PLAGL2: variants seen among roughly 807,000 people sequenced by gnomAD.
The protein encoded by PLAGL2 is PLAG1 like zinc finger 2, also known as zinc finger protein PLAGL2.
Under a neutral mutation model 29.0 loss-of-function variants are expected in PLAGL2, and 7 were observed. The observed-to-expected ratio is 0.24, with a 90% CI of 0.14 to 0.45. PLAGL2 has a LOEUF of 0.45. Ranked by LOEUF, PLAGL2 falls within the 20% of genes least tolerant of loss-of-function variation. The probability of loss-of-function intolerance (pLI) is 0.99; values close to 1 mark genes in which losing one functional copy is unlikely to be tolerated. For synonymous variants in PLAGL2, 234 were observed against 266.0 expected (o/e 0.88, Z 1.17); for missense variants, 454 against 648.2 (o/e 0.70, Z 3.25).
intron 1 of PLAGL2, among the ~76,000 whole-genome samples, chr20:32,206,522 A>C (rs1264672414): frequency 6.6e-6 from 1 of 152,182 alleles, no homozygotes; most frequent in Non-Finnish European, 1.5e-5. Flanking sequence ...CATGGGGAGA[A>C]AACGTGATTC....
chr20:32,206,081 A>C (rs545631813), intron 1 of PLAGL2, among the ~76,000 whole-genome samples: 2 of 152,214 alleles, frequency 1.3e-5, no homozygotes, highest in Non-Finnish European at 2.9e-5. Context: ...TCTTCCCTTA[A>C]GCAGAACCCA....
chr20:32,205,928 A>G (rs1038656691), intron 1 of PLAGL2, among the ~76,000 whole-genome samples: 6 of 152,154 alleles, frequency 3.9e-5, no homozygotes, highest in African/African-American at 1.4e-4. Flanking sequence ...AACTAAAGAG[A>G]CCCACAGAGG....
At chr20:32,201,815 C>T in intron 2 of PLAGL2, 104 bp downstream of exon 2, 1 of 920,976 alleles carries the variant, frequency 1.1e-6, no homozygotes, top group South Asian at 1.7e-5. Flanking sequence ...ACAAATTAAC[C>T]TCCACTCTTC....
In PLAGL2 at chr20:32,197,940, G is replaced by A. The variant is rs983609567; in HGVS notation, c.261-258C>T. Among the ~76,000 whole-genome samples the A allele has an allele frequency of 6.6e-6, 1 of 152,124 alleles. No homozygotes were observed. Among genetic ancestry groups the A allele is most frequent in the African/African-American group, 2.4e-5 (1 of 41,406 alleles). On this transcript the variant is annotated intron_variant, in intron 2 of 2. Transcript: ENST00000246229. The surrounding 1 kb of genome is among the most constrained non-coding windows in gnomAD (Gnocchi z 6.6). Reference sequence around the variant, plus strand: ...AATCTGAACGTCCAATCTATCAATAGGGAACTGGTTACATAAATTATGATA... The same window carrying A: ...AATCTGAACGTCCAATCTATCAATAAGGAACTGGTTACATAAATTATGATA...
intron 2 of PLAGL2, among the ~76,000 whole-genome samples, chr20:32,199,080 T>G (rs2047245042): frequency 6.6e-6 from 1 of 152,152 alleles, no homozygotes; most frequent in Non-Finnish European, 1.5e-5. Context: ...ATAAGCTGTG[T>G]CATTAACCTT....
rs563753108 is a variant in PLAGL2, at chr20:32,196,481, G to A, written c.1462C>T (p.Leu488=). Reference sequence around the variant, plus strand: ...TGGAATGCTTGATGGAAACGAGGCAGGGTGGTGCTACTCAGGCCAGACGTG... The same window carrying A: ...TGGAATGCTTGATGGAAACGAGGCAAGGTGGTGCTACTCAGGCCAGACGTG... ...VFTSGLSSTT[L]PRFHQAFQ is the part of the protein sequence containing the mutation. The change falls in exon 3 of 3, where the codon CTG becomes TTG. Residue 488 remains leucine, a synonymous_variant. Transcript: ENST00000246229. 3.2e-5 allele frequency: 48 copies of A among 1,497,644 alleles called. 1 individual carries two copies. In the South Asian group the frequency reaches 6.7e-4, roughly 21 times the overall value. 92.8% of individuals were successfully genotyped at this position (1,497,644 alleles called of 1,614,324 possible).
At position 32,196,616 on chromosome 20, in the gene PLAGL2, G is replaced by C; in HGVS notation, c.1327C>G (p.Gln443Glu). The C allele has an allele frequency of 1.3e-6, 2 of 1,531,312 alleles. No individual in the cohort carries two copies. Among genetic ancestry groups the C allele is most frequent in the African/African-American group, 1.4e-5 (1 of 72,146 alleles). The allele number at this position is 1,531,312 out of a possible 1,614,324, so 94.9% of individuals were successfully genotyped here. ...ATGGLVMGYSQAEAQPLLTTL... is the reference protein window; with the variant it reads ...ATGGLVMGYSEAEAQPLLTTL... ...GTAAGCAGGGGCTGTGCCTCAGCCTGGGAGTAGCCCATGACCAGGCCTCCT... is the reference window on the plus strand; with the variant it reads ...GTAAGCAGGGGCTGTGCCTCAGCCTCGGAGTAGCCCATGACCAGGCCTCCT... The change falls in exon 3 of 3, where the codon CAG (glutamine) becomes GAG (glutamate). Residue 443 changes from glutamine (Q) to glutamate (E), a missense_variant. By Grantham distance (29) the Gln-to-Glu change is conservative. Transcript: ENST00000246229.
Position 32,196,712 on chromosome 20 carries a change from T to G in PLAGL2, c.1231A>C (p.Asn411His). The G allele has an allele frequency of 6.4e-7, 1 of 1,568,964 alleles. No homozygotes were observed. Among genetic ancestry groups the G allele is most frequent in the Non-Finnish European group, 8.6e-7 (1 of 1,156,854 alleles). ...ANLSEALCAA[N>H]VDFSHLLGFL... is the part of the protein sequence containing the mutation. ...CCCAGTAGGTGGGAGAAGTCCACAT[T>G]AGCAGCGCAGAGGGCCTCAGAGAGG... The change falls in exon 3 of 3, where the codon AAT becomes CAT. Residue 411 changes from asparagine to histidine, a missense_variant. Asn to His is a moderately conservative substitution (Grantham distance 68). Coordinates refer to ENST00000246229, the MANE Select transcript of PLAGL2 (RefSeq NM_002657.3).
chr20:32,196,335 ATTTT>A lies in PLAGL2; in HGVS notation c.*113_*116del. On this transcript the variant is annotated 3_prime_UTR_variant, in exon 3 of 3. Coordinates refer to ENST00000246229, the MANE Select transcript of PLAGL2 (RefSeq NM_002657.3). Reference sequence around the variant, plus strand: ...AGTGCTCCTGTATACAGACACTGGAATTTTTTTTTTTGAACCCAGCTCTGAAAGC... The same window carrying A: ...AGTGCTCCTGTATACAGACACTGGAATTTTTTTGAACCCAGCTCTGAAAGC... The A allele has an allele frequency of 3.3e-6, 2 of 614,344 alleles. No individual in the cohort carries two copies. The highest frequency in any genetic ancestry group is 4.9e-6 in the Non-Finnish European group (2 of 408,716). 38.1% of individuals were successfully genotyped at this position (614,344 alleles called of 1,614,324 possible).
At position 32,193,727 on chromosome 20, in the gene PLAGL2, T is replaced by C. The variant is rs1312810673; in HGVS notation, c.*2725A>G. On this transcript the variant is annotated 3_prime_UTR_variant, in exon 3 of 3. Coordinates refer to ENST00000246229, the MANE Select transcript of PLAGL2 (RefSeq NM_002657.3). ...GTGAGTTCGGGTACTGAGTGCAGGA[T>C]AAAGCTATTCTTATCCTTTGAACAA... The C allele has an allele frequency of 6.6e-6, 1 of 152,314 alleles. No individual in the cohort carries two copies. Among genetic ancestry groups the C allele is most frequent in the Non-Finnish European group, 1.5e-5 (1 of 68,142 alleles). 9.4% of individuals were successfully genotyped at this position (152,314 alleles called of 1,614,324 possible). A position where few individuals can be genotyped will look rare whatever the true frequency, so the allele number is the denominator to read the frequency against.
chr20:32,202,009 G>T lies in PLAGL2; in HGVS notation c.170C>A (p.Pro57His). The change falls in exon 2 of 3, where the codon CCT becomes CAT. Residue 57 changes from proline to histidine, a missense_variant. Pro to His is a moderately conservative substitution (Grantham distance 77). Around this residue, in one of 4 missense-constraint regions of PLAGL2, gnomAD observed 89 missense variants for 90.4 expected, o/e 0.98. Transcript: ENST00000246229. ...CTGCTCTGGTTGCGGGAGGCTGTGA[G>T]GCCTCAGCTTCTCCCCATTTGAGAA... ...TPFSNGEKLR[P>H]HSLPQPEQRP... is the part of the protein sequence containing the mutation. 2 of 1,614,000 alleles carry T rather than the reference G, an allele frequency of 1.2e-6. No homozygotes were observed. Among genetic ancestry groups the T allele is most frequent in the Non-Finnish European group, 1.7e-6 (2 of 1,179,830 alleles).
rs1244545170 is a variant in PLAGL2 at position 32,197,075 on chromosome 20, G to C, written c.868C>G (p.Pro290Ala). ...SRDVMGTKAF[P>A]GMLPMGMYGA... is the part of the protein sequence containing the mutation. ...TACATGCCCATGGGCAACATGCCAG[G>C]GAAGGCCTTGGTCCCCATTACGTCC... Residue 290 changes from proline (P) to alanine (A), a missense_variant, in exon 3 of 3, where the codon CCT becomes GCT. Physicochemically the swap from Pro to Ala is conservative, Grantham distance 27 (BLOSUM62 -1). Coordinates refer to ENST00000246229, the MANE Select transcript of PLAGL2 (RefSeq NM_002657.3). This position sits in a 1 kb window ranked among gnomAD's most constrained non-coding sequence, Gnocchi z 6.6. 1 of 1,614,168 alleles carries C rather than the reference G, an allele frequency of 6.2e-7. No homozygotes were observed. Among genetic ancestry groups the C allele is most frequent in the Non-Finnish European group, 8.5e-7 (1 of 1,180,018 alleles).
At chr20:32,201,447 G>A (rs1213738238) in intron 2 of PLAGL2, among the ~76,000 whole-genome samples, 3 of 152,056 alleles carry the variant, frequency 2.0e-5, no homozygotes, top group East Asian at 1.9e-4. Context: ...AACCAGGTGC[G>A]GTGGTTCAAG....
chr20:32,197,465 C>T lies in PLAGL2; in HGVS notation c.478G>A (p.Val160Met), dbSNP rs1288932405. ...AASSGDLSCK[V>M]CLQTFESTQA... ...GTACTCTCAAAGGTCTGCAGGCACA[C>T]CTTGCAGCTGAGGTCACCGCTGCTG... is the stretch of plus-strand genomic sequence containing the variant. Residue 160 changes from valine to methionine, a missense_variant, in exon 3 of 3, where the codon GTG (valine) becomes ATG (methionine). Coordinates refer to ENST00000246229, the MANE Select transcript of PLAGL2 (RefSeq NM_002657.3). The surrounding 1 kb of genome is among the most constrained non-coding windows in gnomAD (Gnocchi z 6.6). 1 of 1,613,296 alleles carries T rather than the reference C, an allele frequency of 6.2e-7. No individual in the cohort carries two copies. The highest frequency in any genetic ancestry group is 2.2e-5 in the East Asian group (1 of 44,890).
rs1218889976 is a variant in PLAGL2 at position 32,203,254 on chromosome 20, G to A, written c.-114-962C>T. On this transcript the variant is annotated intron_variant, in intron 1 of 2. Coordinates refer to ENST00000246229, the MANE Select transcript of PLAGL2 (RefSeq NM_002657.3). ...CACTGAATGCAGGTTGATTCTCAGG[G>A]ACCAACCTAGGCCCAGGTAGTTCTG... Among the ~76,000 whole-genome samples, 18 of 152,282 alleles carry A rather than the reference G, an allele frequency of 1.2e-4. 1 individual carries two copies. The East Asian group carries it at 3.3e-3, about 28-fold the overall frequency.
At position 32,201,959 on chromosome 20, in the gene PLAGL2, G is replaced by T. The variant is rs531703679; in HGVS notation, c.220C>A (p.His74Asn). The change falls in exon 2 of 3, where the codon CAC becomes AAC. Residue 74 changes from histidine to asparagine, a missense_variant. This residue lies in a region of PLAGL2 where 89 missense variants were observed against 90.4 expected (regional missense o/e 0.98). Coordinates refer to ENST00000246229, the MANE Select transcript of PLAGL2 (RefSeq NM_002657.3). ...TTGGAAGCAAAAGCCTTGCCACAGT[G>T]CAGCTGAGGGCAGCTATATGGTCTC... ...EQRPYSCPQLHCGKAFASKYK... is the reference protein window; with the variant it reads ...EQRPYSCPQLNCGKAFASKYK... The T allele has an allele frequency of 1.2e-6, 2 of 1,613,788 alleles. No individual in the cohort carries two copies. The highest frequency in any genetic ancestry group is 1.7e-6 in the Non-Finnish European group (2 of 1,179,754).
chr20:32,198,198 C>T (rs1003891418), intron 2 of PLAGL2, among the ~76,000 whole-genome samples: 1 of 152,190 alleles, frequency 6.6e-6, no homozygotes, highest in Non-Finnish European at 1.5e-5. Flanking sequence ...CGAAAAAGAA[C>T]CGAACAGCTT....
chr20:32,196,331 T>C lies in PLAGL2; in HGVS notation c.*121A>G, dbSNP rs1198561475. ...ACCAAGTGCTCCTGTATACAGACAC[T>C]GGAATTTTTTTTTTTGAACCCAGCT... is the stretch of plus-strand genomic sequence containing the variant. On this transcript the variant is annotated 3_prime_UTR_variant, in exon 3 of 3. Transcript: ENST00000246229. 2 of 698,498 alleles carry C rather than the reference T, an allele frequency of 2.9e-6. No individual in the cohort carries two copies. The highest frequency in any genetic ancestry group is 5.8e-5 in the East Asian group (2 of 34,254). 43.3% of individuals were successfully genotyped at this position (698,498 alleles called of 1,614,324 possible).
chr20:32,194,900 G>T lies in PLAGL2; in HGVS notation c.*1552C>A, dbSNP rs916734215. On this transcript the variant is annotated 3_prime_UTR_variant, in exon 3 of 3. Transcript: ENST00000246229. The stretch of plus-strand genomic sequence containing the variant: ...GAGGTCCCTGAGCTACCTCCCTTCC[G>T]TGAGTGGGAAGAGTGAAGCCCATGA... The T allele has an allele frequency of 2.0e-5, 3 of 152,698 alleles. No individual in the cohort carries two copies. The highest frequency in any genetic ancestry group is 4.4e-5 in the Non-Finnish European group (3 of 68,082). 9.5% of individuals were successfully genotyped at this position (152,698 alleles called of 1,614,324 possible).
Sources: allele counts gnomAD v4.1 joint callset (sites outside exome capture counted in the v4.1 genomes callset), GRCh38; gene constraint gnomAD v4.1.1; regional missense constraint gnomAD v4.1.1; non-coding constraint Gnocchi (gnomAD v3.1); transcripts MANE v1.5; gene names NCBI Gene and HGNC (gene_info 2026-07-23, HGNC 2026-07-21).